The following KLHL6 variants were observed in gnomAD, a reference collection of about 807,000 sequenced individuals.
KLHL6 encodes kelch-like protein 6.
A neutral mutation model predicts 58.6 loss-of-function variants in KLHL6; 41 were observed. That is an observed-to-expected ratio of 0.70 (90% CI 0.55 to 0.91). The LOEUF is 0.91. KLHL6 is among the 40% of genes least tolerant of loss of function. KLHL6 has a pLI of 0.00. For missense variants in KLHL6, 714 were observed against 805.6 expected, an observed-to-expected ratio of 0.89 and a Z score of 1.38; for synonymous variants, 338 against 322.7, an observed-to-expected ratio of 1.05 and a Z score of -0.51.
intron 5 of KLHL6, 81 bp downstream of exon 5, chr3:183,493,998 C>T (rs576861577): frequency 3.2e-4 from 420 of 1,293,882 alleles, no homozygotes; most frequent in East Asian, 4.9e-4. Flanking sequence ...CTGACCACCA[C>T]GGCAGGCACG....
intron 1 of KLHL6, among the ~76,000 whole-genome samples, chr3:183,538,500 A>T (rs565790478): frequency 9.5e-4 from 145 of 152,290 alleles, no homozygotes; most frequent in Middle Eastern, 3.4e-3. Context: ...TGGCTTTAAC[A>T]TCAGTTGCAA....
intron 2 of KLHL6, among the ~76,000 whole-genome samples, chr3:183,524,899 A>G (rs1272355120): frequency 1.3e-5 from 2 of 152,222 alleles, no homozygotes; most frequent in East Asian, 1.9e-4. Context: ...TTCTCTACCT[A>G]TAACCCTGAG....
At chr3:183,553,977 CAAA>C (rs59243986) in intron 1 of KLHL6, among the ~76,000 whole-genome samples, 136 of 127,664 alleles carry the variant, frequency 1.1e-3, no homozygotes, top group Middle Eastern at 7.9e-3. Flanking sequence ...CCAAGCACCT[CAAA>C]AAAAAAAAAA....
intron 2 of KLHL6, chr3:183,520,098 G>A (rs1180815137): frequency 6.6e-6 from 1 of 152,110 alleles, no homozygotes; most frequent in African/African-American, 2.4e-5. Context: ...GGAAAGGACT[G>A]GCTAGGGAGG....
At chr3:183,539,370 A>C (rs1197411092) in intron 1 of KLHL6, among the ~76,000 whole-genome samples, 6 of 152,150 alleles carry the variant, frequency 3.9e-5, no homozygotes, top group Admixed American at 2.6e-4. Flanking sequence ...CTGGAAGCCT[A>C]CAGCTGCCCC....
intron 2 of KLHL6, among the ~76,000 whole-genome samples, chr3:183,512,496 A>AT (rs562758148): frequency 0.017 from 2,493 of 150,176 alleles, 38 homozygotes; most frequent in African/African-American, 0.046. Flanking sequence ...ACATTATGAT[A>AT]TTTTTTTTTT....
chr3:183,525,925 C>A lies in KLHL6; in HGVS notation c.459+1920G>T, dbSNP rs1711948864. On this transcript the variant is annotated intron_variant, in intron 2 of 6. Transcript: ENST00000341319. ...TGCTATATGCATGGAATATGAAGAA[C>A]AGCAGGACACTGCAAACAGGCAGTG... Among the ~76,000 whole-genome samples, 4 of 152,358 alleles carry A rather than the reference C, an allele frequency of 2.6e-5. No individual in the cohort carries two copies. In the South Asian group the frequency reaches 8.3e-4, roughly 32 times the overall value.
intron 1 of KLHL6, among the ~76,000 whole-genome samples, chr3:183,537,507 T>C (rs983274491): frequency 6.6e-6 from 1 of 152,212 alleles, no homozygotes; most frequent in African/African-American, 2.4e-5. Flanking sequence ...AGGAAGATCC[T>C]CATTTTACAG....
chr3:183,549,296 G>A (rs115136218), intron 1 of KLHL6, among the ~76,000 whole-genome samples: 1,944 of 152,246 alleles, frequency 0.013, 36 homozygotes, highest in African/African-American at 0.045. Context: ...GTACACTTGA[G>A]AACTCAAGTG....
chr3:183,508,187 C>A lies in KLHL6; in HGVS notation c.781G>T (p.Val261Leu), dbSNP rs537381678. The A allele has an allele frequency of 6.2e-7, 1 of 1,614,188 alleles. No individual in the cohort carries two copies. The highest frequency in any genetic ancestry group is 1.7e-5 in the Admixed American group (1 of 60,034). ...CACGGGTCCAGAAGCGGTAAGCGCA[C>A]GTTCTCGAGGACATAGGGGAGTAAG... is the stretch of plus-strand genomic sequence containing the variant. ...LCLLPYVLEN[V>L]RLPLLDPWYF... The change falls in exon 3 of 7, where the codon GTG becomes TTG. Residue 261 changes from valine (V) to leucine (L), a missense_variant. Val to Leu is a conservative substitution (Grantham distance 32, BLOSUM62 1). This residue lies in a region of KLHL6 where 510 missense variants were observed against 629.7 expected (regional missense o/e 0.81). Transcript: ENST00000341319.
chr3:183,553,586 G>A (rs1713009138), intron 1 of KLHL6, among the ~76,000 whole-genome samples: 1 of 152,216 alleles, frequency 6.6e-6, no homozygotes, highest in African/African-American at 2.4e-5. Flanking sequence ...CAAGGTTGGT[G>A]GAGAAAGTAA....
At chr3:183,551,024 G>A in intron 1 of KLHL6, among the ~76,000 whole-genome samples, 1 of 151,624 alleles carries the variant, frequency 6.6e-6, no homozygotes, top group East Asian at 1.9e-4. Flanking sequence ...GGGAGGCTGA[G>A]GCAGGAGAAT....
At chr3:183,495,579 C>CAAA (rs11459693) in intron 4 of KLHL6, among the ~76,000 whole-genome samples, 1,865 of 142,632 alleles carry the variant, frequency 0.013, 36 homozygotes, top group African/African-American at 0.044. Context: ...TATTTTAGGA[C>CAAA]AAAAAAAAAA....
At chr3:183,511,619 G>A (rs767855828) in intron 2 of KLHL6, among the ~76,000 whole-genome samples, 13 of 152,172 alleles carry the variant, frequency 8.5e-5, no homozygotes, top group African/African-American at 1.4e-4. Flanking sequence ...AGGTCCCTGC[G>A]GCTTTCTGCA....
chr3:183,507,979 G>T, intron 3 of KLHL6, 80 bp downstream of exon 3: 2 of 1,276,940 alleles, frequency 1.6e-6, no homozygotes, highest in Non-Finnish European at 2.2e-6. Flanking sequence ...TTTTGAATCC[G>T]CTTTGCTTGC....
intron 2 of KLHL6, among the ~76,000 whole-genome samples, chr3:183,516,755 T>C (rs961973834): frequency 1.3e-5 from 2 of 152,252 alleles, no homozygotes; most frequent in African/African-American, 4.8e-5. Flanking sequence ...GCAATTCTGT[T>C]GATCATGGTG....
intron 1 of KLHL6, among the ~76,000 whole-genome samples, chr3:183,528,558 C>T (rs1027865895): frequency 1.3e-5 from 2 of 152,216 alleles, no homozygotes; most frequent in African/African-American, 4.8e-5. Flanking sequence ...CTCTGTCTCG[C>T]CTCTGGATTC....
intron 5 of KLHL6, chr3:183,493,350 A>G: frequency 6.4e-6 from 1 of 155,570 alleles, no homozygotes; most frequent in Admixed American, 6.3e-5. Context: ...CATGTCCCCC[A>G]TACATGTTAA....
intron 1 of KLHL6, among the ~76,000 whole-genome samples, chr3:183,534,240 G>C (rs1290524428): frequency 6.9e-6 from 1 of 145,372 alleles, no homozygotes; most frequent in Non-Finnish European, 1.5e-5. Flanking sequence ...TGCTCTCAGA[G>C]ACAGCCTATG....
Sources: gnomAD v4.1 joint callset for allele counts (sites outside exome capture counted in the v4.1 genomes callset) on GRCh38, gnomAD v4.1.1 for gene constraint, gnomAD v4.1.1 regional missense constraint, MANE v1.5 for transcripts, NCBI Gene and HGNC (gene_info 2026-07-23, HGNC 2026-07-21) for gene names.